CPS1: variants seen among roughly 807,000 people sequenced by gnomAD.
CPS1 encodes the protein carbamoyl-phosphate synthase [ammonia], mitochondrial.
Under a neutral mutation model 174.6 loss-of-function variants are expected in CPS1, and 109 were observed. That is an observed-to-expected ratio of 0.62 (90% confidence interval 0.53 to 0.73). The LOEUF (loss-of-function observed/expected upper bound fraction) is 0.73. CPS1 is among the 30% of genes least tolerant of loss of function. CPS1 has a pLI of 0.00. For synonymous variants in CPS1, 637 were observed against 632.0 expected, an observed-to-expected ratio of 1.01 and a Z score of -0.12; for missense variants, 1,689 against 1,821.9, an observed-to-expected ratio of 0.93 and a Z score of 1.33.
Position 210,677,021 on chromosome 2 carries a change from G to A in CPS1, c.4289G>A (p.Gly1430Asp), listed in dbSNP as rs1428380493. 6.2e-7 allele frequency: 1 copy of A among 1,613,562 alleles called. No individual in the cohort carries two copies. Among genetic ancestry groups the A allele is most frequent in the South Asian group, 1.1e-5 (1 of 91,060 alleles). Residue 1430 changes from glycine to aspartate, a missense_variant, in exon 37 of 38, where the codon GGC becomes GAC. Coordinates refer to ENST00000233072, the MANE Select transcript of CPS1 (RefSeq NM_001875.5). Reference protein sequence around the residue: ...LSSIRKLIRDGSIDLVINLPN... With the variant: ...LSSIRKLIRDDSIDLVINLPN... ...TATTTTTCCAGATTGATTAGAGATG[G>A]CAGCATTGACCTAGTGATTAACCTT... is the stretch of plus-strand genomic sequence containing the variant.
At chr2:210,538,654 T>G (rs902188134) in intron 1 of CPS1, among the ~76,000 whole-genome samples, 2 of 152,160 alleles carry the variant, frequency 1.3e-5, no homozygotes, top group Non-Finnish European at 2.9e-5. Flanking sequence ...AGTGTACAAC[T>G]TATTAACTTT....
chr2:210,582,820 C>A, intron 6 of CPS1, 111 bp downstream of exon 6: 1 of 866,228 alleles, frequency 1.2e-6, no homozygotes, highest in Non-Finnish European at 1.9e-6. Flanking sequence ...CACCAGTGTT[C>A]AGGGGTAGAA....
intron 24 of CPS1, 135 bp from the exon 25 acceptor site, chr2:210,642,349 C>A: frequency 9.6e-7 from 1 of 1,037,206 alleles, no homozygotes; most frequent in Non-Finnish European, 1.5e-6. Context: ...AAATTTATAT[C>A]TTGGAGTTTA....
At chr2:210,495,464 C>CA (rs1694968146) in intron 1 of CPS1, among the ~76,000 whole-genome samples, 2 of 152,090 alleles carry the variant, frequency 1.3e-5, no homozygotes, top group African/African-American at 2.4e-5. Context: ...TAAATTAATG[C>CA]AAAAAATCCA....
At chr2:210,601,619 A>ATTAC (rs1170157903) in intron 15 of CPS1, among the ~76,000 whole-genome samples, 8 of 151,990 alleles carry the variant, frequency 5.3e-5, no homozygotes, top group Non-Finnish European at 1.2e-4. Flanking sequence ...GGAAAGGTGT[A>ATTAC]ATTACATTCC....
At chr2:210,606,608 C>T (rs921736405) in intron 17 of CPS1, 123 bp from the exon 18 acceptor site, 5 of 889,454 alleles carry the variant, frequency 5.6e-6, no homozygotes, top group Middle Eastern at 2.3e-4. Flanking sequence ...CCTGATATCA[C>T]ATATATATCC....
intron 1 of CPS1, among the ~76,000 whole-genome samples, chr2:210,514,426 T>A (rs1389114287): frequency 1.3e-5 from 2 of 150,980 alleles, no homozygotes; most frequent in African/African-American, 4.9e-5. Context: ...TTCCTAGGTA[T>A]TTTTTTTTGT....
chr2:210,629,925 T>A (rs1282183791), intron 21 of CPS1, among the ~76,000 whole-genome samples: 1 of 150,656 alleles, frequency 6.6e-6, no homozygotes, highest in Non-Finnish European at 1.5e-5. Flanking sequence ...AAAATAAAAT[T>A]AGCCGGGCGT....
chr2:210,615,412 C>G (rs1699274146), intron 20 of CPS1, among the ~76,000 whole-genome samples: 1 of 151,966 alleles, frequency 6.6e-6, no homozygotes, highest in South Asian at 2.1e-4. Flanking sequence ...CAATTATAAT[C>G]ATGGTCTCTC....
At chr2:210,635,618 C>T (rs1450185735) in intron 21 of CPS1, among the ~76,000 whole-genome samples, 1 of 152,094 alleles carries the variant, frequency 6.6e-6, no homozygotes, top group Admixed American at 6.5e-5. Flanking sequence ...CTAGGGGCTG[C>T]TATGTTGGAT....
chr2:210,596,476 G>A (rs1458491309), intron 13 of CPS1, among the ~76,000 whole-genome samples: 1 of 151,880 alleles, frequency 6.6e-6, no homozygotes, highest in Non-Finnish European at 1.5e-5. Flanking sequence ...CTTTTTGTTA[G>A]TATTCTATAG....
At chr2:210,660,856 A>C (rs1450765511) in intron 32 of CPS1, among the ~76,000 whole-genome samples, 1 of 152,230 alleles carries the variant, frequency 6.6e-6, no homozygotes, top group Non-Finnish European at 1.5e-5. Flanking sequence ...AAAAATTTTT[A>C]AAACCATCTA....
At chr2:210,571,951 G>T (rs775052509) in intron 1 of CPS1, among the ~76,000 whole-genome samples, 29 of 149,990 alleles carry the variant, frequency 1.9e-4, no homozygotes, top group Non-Finnish European at 4.0e-4. Flanking sequence ...AGATTTAAAA[G>T]GATTAGGCAC....
At position 210,602,303 on chromosome 2, in the gene CPS1, A is replaced by G; in HGVS notation, c.1809A>G (p.Arg603=). The part of the protein sequence containing the change: ...GGLGSGICPN[R]ETLMDLSTKA... Reference sequence around the variant, plus strand: ...TAGGCTCAGGCATCTGTCCCAACAGAGAGACTTTGATGGACCTCAGCACAA... The same window carrying G: ...TAGGCTCAGGCATCTGTCCCAACAGGGAGACTTTGATGGACCTCAGCACAA... Residue 603 remains arginine, a synonymous_variant, in exon 16 of 38, where the codon AGA becomes AGG. Coordinates refer to ENST00000233072, the MANE Select transcript of CPS1 (RefSeq NM_001875.5). 1.9e-6 allele frequency: 3 copies of G among 1,612,648 alleles called. No homozygotes were observed. The highest frequency in any genetic ancestry group is 2.5e-6 in the Non-Finnish European group (3 of 1,179,058).
Position 210,610,142 on chromosome 2 carries a change from T to C in CPS1, c.2391+1583T>C. Among the ~76,000 whole-genome samples, 2 of 151,998 alleles carry C rather than the reference T, an allele frequency of 1.3e-5. 1 individual carries two copies. The highest frequency in any genetic ancestry group is 2.9e-5 in the Non-Finnish European group (2 of 67,922). On this transcript the variant is annotated intron_variant, in intron 19 of 37. Coordinates refer to ENST00000233072, the MANE Select transcript of CPS1 (RefSeq NM_001875.5). The stretch of plus-strand genomic sequence containing the variant: ...CAAATACCATGAAAATCTATGTTGC[T>C]AGTGTTTGCACCAAATAAACAACTG...
At chr2:210,559,949 C>T (rs1697044263) in intron 1 of CPS1, among the ~76,000 whole-genome samples, 2 of 152,018 alleles carry the variant, frequency 1.3e-5, no homozygotes, top group African/African-American at 4.8e-5. Context: ...CCATTCTATA[C>T]ATTTTAGTAG....
At chr2:210,601,479 C>T (rs1698724037) in intron 15 of CPS1, among the ~76,000 whole-genome samples, 1 of 151,936 alleles carries the variant, frequency 6.6e-6, no homozygotes, top group Non-Finnish European at 1.5e-5. Flanking sequence ...TTTTGTGTTA[C>T]AAACTTGTCA....
At chr2:210,484,433 A>G (rs73071712) in intron 1 of CPS1, among the ~76,000 whole-genome samples, 3,630 of 152,290 alleles carry the variant, frequency 0.024, 142 homozygotes, top group African/African-American at 0.082. Context: ...GAGCCATGGA[A>G]TGATTTTGAA....
chr2:210,485,736 T>C (rs931017849), intron 1 of CPS1, among the ~76,000 whole-genome samples: 2 of 152,166 alleles, frequency 1.3e-5, no homozygotes, highest in African/African-American at 2.4e-5. Context: ...AAGCTACAAG[T>C]AACATGTTCA....
Sources: gnomAD v4.1 joint callset for allele counts (sites outside exome capture counted in the v4.1 genomes callset) on GRCh38, gnomAD v4.1.1 for gene constraint, MANE v1.5 for transcripts, NCBI Gene and HGNC (gene_info 2026-07-23, HGNC 2026-07-21) for gene names.